SH3RF3: variants seen among roughly 807,000 people sequenced by gnomAD.
SH3RF3 encodes the protein E3 ubiquitin-protein ligase SH3RF3.
SH3RF3 carries 29 observed loss-of-function variants against 66.3 expected under a neutral mutation model. The ratio of observed to expected loss-of-function variants is 0.44; its 90% confidence interval spans 0.33 to 0.60. The LOEUF is 0.60. Ranked by LOEUF, SH3RF3 falls within the 20% of genes least tolerant of loss-of-function variation. SH3RF3 has a pLI of 0.04. For missense variants in SH3RF3, 1,194 were observed against 1,190.9 expected (o/e 1.00, Z -0.04); for synonymous variants, 583 against 532.0 (o/e 1.10, Z -1.32).
At chr2:109,258,774 G>A (rs974164999) in intron 1 of SH3RF3, among the ~76,000 whole-genome samples, 2 of 152,240 alleles carry the variant, frequency 1.3e-5, no homozygotes, top group African/African-American at 2.4e-5. Flanking sequence ...CTGCACTGCT[G>A]TTGTCCTTCC....
intron 7 of SH3RF3, among the ~76,000 whole-genome samples, chr2:109,445,320 C>T (rs1281135440): frequency 6.6e-6 from 1 of 152,164 alleles, no homozygotes; most frequent in Non-Finnish European, 1.5e-5. Flanking sequence ...CAAGTCCTCA[C>T]ACAGAAAGCA....
intron 4 of SH3RF3, among the ~76,000 whole-genome samples, chr2:109,409,069 A>G (rs995736413): frequency 6.6e-6 from 1 of 152,166 alleles, no homozygotes; most frequent in Non-Finnish European, 1.5e-5. Context: ...TTCCTTGTTG[A>G]CGTTTTGAGA....
Position 109,449,269 on chromosome 2 carries a change from G to T in SH3RF3, c.1928G>T (p.Arg643Met), listed in dbSNP as rs1392819045. The change falls in exon 8 of 10, where the codon AGG becomes ATG. Residue 643 changes from arginine (R) to methionine (M), a missense_variant. Coordinates refer to ENST00000309415, the MANE Select transcript of SH3RF3 (RefSeq NM_001099289.3). ...SPSRLPATSL[R>M]PHSVVSPQHS... The stretch of plus-strand genomic sequence containing the variant: ...TCCCGCCTGCCTGCCACCAGCCTCA[G>T]GCCCCACTCGGTGGTGTCCCCGCAG... 1.9e-6 allele frequency: 3 copies of T among 1,611,834 alleles called. No individual in the cohort carries two copies. The highest frequency in any genetic ancestry group is 2.5e-6 in the Non-Finnish European group (3 of 1,179,006).
chr2:109,422,209 C>T (rs975878503), intron 5 of SH3RF3, among the ~76,000 whole-genome samples: 4 of 152,224 alleles, frequency 2.6e-5, no homozygotes, highest in African/African-American at 7.2e-5. Flanking sequence ...AACAACAGTG[C>T]ACTGCTGCCC....
chr2:109,340,712 G>A (rs758933423), intron 1 of SH3RF3, among the ~76,000 whole-genome samples: 11 of 152,034 alleles, frequency 7.2e-5, no homozygotes, highest in African/African-American at 2.2e-4. Flanking sequence ...AGCTCTTTTC[G>A]TATCATCAGT....
chr2:109,335,797 CT>C (rs1236057305), intron 1 of SH3RF3, among the ~76,000 whole-genome samples: 1 of 152,210 alleles, frequency 6.6e-6, no homozygotes, highest in African/African-American at 2.4e-5. Flanking sequence ...CCTAAAACCA[CT>C]TCCTACCTTA....
intron 8 of SH3RF3, among the ~76,000 whole-genome samples, chr2:109,451,204 T>C (rs1677858009): frequency 6.6e-6 from 1 of 152,272 alleles, no homozygotes; most frequent in South Asian, 2.1e-4. Flanking sequence ...GCGCCTGGCA[T>C]GAAGGGCAAC....
At chr2:109,413,406 C>T (rs1676644365) in intron 4 of SH3RF3, among the ~76,000 whole-genome samples, 1 of 152,118 alleles carries the variant, frequency 6.6e-6, no homozygotes, top group South Asian at 2.1e-4. Flanking sequence ...GAGCCACCAC[C>T]CCAGGCCTGT....
chr2:109,183,275 G>A (rs919295534), intron 1 of SH3RF3, among the ~76,000 whole-genome samples: 6 of 151,238 alleles, frequency 4.0e-5, no homozygotes, highest in Admixed American at 1.3e-4. Context: ...TTAGTTTCAG[G>A]CTTGTGTATT....
chr2:109,256,232 G>A (rs1460863899), intron 1 of SH3RF3, among the ~76,000 whole-genome samples: 1 of 152,218 alleles, frequency 6.6e-6, no homozygotes, highest in Non-Finnish European at 1.5e-5. Flanking sequence ...CACAGTTGGA[G>A]AGCCTGCCAT....
intron 4 of SH3RF3, among the ~76,000 whole-genome samples, chr2:109,407,198 C>G (rs1676473148): frequency 6.6e-6 from 1 of 152,186 alleles, no homozygotes; most frequent in Non-Finnish European, 1.5e-5. Context: ...GCCAGCTTCT[C>G]TGTTCTGGAG....
At chr2:109,316,634 T>A (rs931335879) in intron 1 of SH3RF3, among the ~76,000 whole-genome samples, 1 of 152,194 alleles carries the variant, frequency 6.6e-6, no homozygotes, top group Non-Finnish European at 1.5e-5. Context: ...CCCGCCCCCA[T>A]GTGCAGCCTT....
chr2:109,467,021 T>C (rs191095305), intron 8 of SH3RF3, among the ~76,000 whole-genome samples: 1 of 152,220 alleles, frequency 6.6e-6, no homozygotes, highest in Non-Finnish European at 1.5e-5. Flanking sequence ...TTTAAAGGGT[T>C]AGGCTGAGAA....
chr2:109,361,925 T>C, intron 2 of SH3RF3, among the ~76,000 whole-genome samples: 1 of 152,196 alleles, frequency 6.6e-6, no homozygotes, highest in Non-Finnish European at 1.5e-5. Flanking sequence ...GGATGCCCCC[T>C]CTTTTATTCC....
chr2:109,410,374 C>T (rs1676556852), intron 4 of SH3RF3, among the ~76,000 whole-genome samples: 1 of 152,226 alleles, frequency 6.6e-6, no homozygotes, highest in Non-Finnish European at 1.5e-5. Flanking sequence ...CAGGGCACTG[C>T]ACAGTCAGAC....
chr2:109,251,312 T>G (rs1270498478), intron 1 of SH3RF3: 3 of 425,712 alleles, frequency 7.0e-6, no homozygotes, highest in Admixed American at 3.4e-5. Context: ...CGGCCCAAAT[T>G]ATCTTTAACA....
chr2:109,489,784 C>T (rs911590305), intron 8 of SH3RF3, among the ~76,000 whole-genome samples: 1 of 152,126 alleles, frequency 6.6e-6, no homozygotes, highest in Non-Finnish European at 1.5e-5. Flanking sequence ...GTCACCCAGG[C>T]TGGAGTGCAG....
intron 2 of SH3RF3, 92 bp from the exon 3 acceptor site, chr2:109,371,494 C>T: frequency 1.0e-6 from 1 of 1,001,936 alleles, no homozygotes; most frequent in Non-Finnish European, 1.5e-6. Flanking sequence ...GGAATCTCTT[C>T]CGAGCCTCCA....
chr2:109,450,487 A>G (rs1322890976), intron 8 of SH3RF3, among the ~76,000 whole-genome samples: 3 of 152,262 alleles, frequency 2.0e-5, no homozygotes, highest in Non-Finnish European at 4.4e-5. Context: ...TGCAAACCTC[A>G]AATCTAATTT....
Sources: allele counts gnomAD v4.1 joint callset (sites outside exome capture counted in the v4.1 genomes callset), GRCh38; gene constraint gnomAD v4.1.1; transcripts MANE v1.5; gene names NCBI Gene and HGNC (gene_info 2026-07-23, HGNC 2026-07-21).